The following FGF12 variants were observed in gnomAD, a reference collection of about 807,000 sequenced individuals.
FGF12 encodes fibroblast growth factor 12.
Under a neutral mutation model 23.6 loss-of-function variants are expected in FGF12, and 14 were observed. The observed-to-expected ratio is 0.59, with a 90% confidence interval of 0.39 to 0.93. The LOEUF (loss-of-function observed/expected upper bound fraction) is 0.93. Among genes scored for constraint, FGF12 ranks in the 40% least tolerant of loss-of-function variants. The pLI is 0.00. For synonymous variants in FGF12, 62 were observed against 77.3 expected (o/e 0.80, Z 1.04); for missense variants, 175 against 217.8 (o/e 0.80, Z 1.24).
chr3:192,566,192 G>A (rs1336399425), intron 2 of FGF12, among the ~76,000 whole-genome samples: 5 of 152,154 alleles, frequency 3.3e-5, no homozygotes, highest in Admixed American at 2.6e-4. Flanking sequence ...ACTTGCCTCC[G>A]GTTACCAAAT....
intron 2 of FGF12, among the ~76,000 whole-genome samples, chr3:192,695,161 A>G (rs1396494353): frequency 2.6e-5 from 4 of 152,268 alleles, no homozygotes; most frequent in Middle Eastern, 6.8e-3. Flanking sequence ...AGAAAACAAA[A>G]GCATATTTAT....
chr3:192,429,761 G>T (rs1352521370), intron 2 of FGF12, among the ~76,000 whole-genome samples: 1 of 150,758 alleles, frequency 6.6e-6, no homozygotes, highest in Non-Finnish European at 1.5e-5. Context: ...AATATTTATA[G>T]ATTTGAGAAG....
In FGF12 at chr3:192,590,710, A is replaced by G. The variant is rs147066173; in HGVS notation, c.13+136471T>C. 8.5e-4 allele frequency among the ~76,000 whole-genome samples: 129 copies of G among 152,038 alleles called. 2 individuals carry two copies. The highest frequency in any genetic ancestry group is 3.3e-3 in the Admixed American group (51 of 15,258). ...TGTTCCACTCCTCTCTGTACCACACATCTAGCAGATAATCACATGGACCTT... is the reference window on the plus strand; with the variant it reads ...TGTTCCACTCCTCTCTGTACCACACGTCTAGCAGATAATCACATGGACCTT... On this transcript the variant is annotated intron_variant, in intron 2 of 5. Coordinates refer to ENST00000445105, the MANE Select transcript of FGF12 (RefSeq NM_004113.6).
Position 192,533,630 on chromosome 3 carries a change from A to G in FGF12, c.14-173092T>C, listed in dbSNP as rs79839222. 3.0e-3 allele frequency among the ~76,000 whole-genome samples: 455 copies of G among 152,306 alleles called. 3 individuals carry two copies. Among genetic ancestry groups the G allele is most frequent in the African/African-American group, 0.011 (448 of 41,590 alleles). Reference sequence around the variant, plus strand: ...AAGCCTGCACTTGCTTTACTTGGACATAGACTTTTGAACTTTTGAGCCTCT... The same window carrying G: ...AAGCCTGCACTTGCTTTACTTGGACGTAGACTTTTGAACTTTTGAGCCTCT... On this transcript the variant is annotated intron_variant, in intron 2 of 5. Coordinates refer to ENST00000445105, the MANE Select transcript of FGF12 (RefSeq NM_004113.6).
intron 4 of FGF12, among the ~76,000 whole-genome samples, chr3:192,287,773 T>C (rs1714535717): frequency 6.6e-6 from 1 of 152,096 alleles, no homozygotes; most frequent in Non-Finnish European, 1.5e-5. Flanking sequence ...ACACGGCATC[T>C]GGATCATTTG....
intron 4 of FGF12, among the ~76,000 whole-genome samples, chr3:192,278,510 G>A (rs1245478511): frequency 1.3e-5 from 2 of 152,156 alleles, no homozygotes; most frequent in Non-Finnish European, 2.9e-5. Context: ...TTGACTGAAC[G>A]GCATTCCCAA....
intron 2 of FGF12, among the ~76,000 whole-genome samples, chr3:192,628,259 T>C (rs899287403): frequency 6.6e-6 from 1 of 152,140 alleles, no homozygotes; most frequent in African/African-American, 2.4e-5. Flanking sequence ...TGTTTTAGGA[T>C]ATTTAGGCTG....
chr3:192,271,889 T>C (rs1713460343), intron 4 of FGF12, among the ~76,000 whole-genome samples: 1 of 152,190 alleles, frequency 6.6e-6, no homozygotes, highest in Non-Finnish European at 1.5e-5. Context: ...TTTCCCAGGC[T>C]ACAGACTGAC....
At chr3:192,653,750 T>C (rs1012675204) in intron 2 of FGF12, among the ~76,000 whole-genome samples, 1 of 148,652 alleles carries the variant, frequency 6.7e-6, no homozygotes, top group African/African-American at 2.5e-5. Flanking sequence ...AATCATGCTC[T>C]ATCGCCCAGG....
intron 2 of FGF12, among the ~76,000 whole-genome samples, chr3:192,634,237 A>C (rs1350577875): frequency 6.6e-6 from 1 of 152,132 alleles, no homozygotes; most frequent in Non-Finnish European, 1.5e-5. Context: ...ACGTACGTCC[A>C]GTCAGCCCTC....
intron 2 of FGF12, among the ~76,000 whole-genome samples, chr3:192,426,367 T>G (rs904637004): frequency 2.0e-5 from 3 of 152,172 alleles, no homozygotes; most frequent in African/African-American, 7.2e-5. Context: ...AGCCTCATAG[T>G]ATTGTCAGAG....
intron 2 of FGF12, among the ~76,000 whole-genome samples, chr3:192,660,296 T>C (rs13060990): frequency 0.43 from 59,994 of 140,216 alleles, 13,307 homozygotes; most frequent in East Asian, 0.54. Flanking sequence ...CACTCATAGG[T>C]GGGAATTGAA....
intron 5 of FGF12, among the ~76,000 whole-genome samples, chr3:192,159,238 A>C (rs1273815100): frequency 2.0e-5 from 3 of 152,182 alleles, no homozygotes; most frequent in African/African-American, 7.2e-5. Context: ...CACTCATGTC[A>C]AGTCACTACT....
chr3:192,470,911 C>T (rs1201135723), intron 2 of FGF12, among the ~76,000 whole-genome samples: 1 of 152,198 alleles, frequency 6.6e-6, no homozygotes, highest in African/African-American at 2.4e-5. Context: ...TCCTCCTCCA[C>T]AGTTTCACAC....
chr3:192,263,050 A>G (rs1335852139), intron 4 of FGF12, among the ~76,000 whole-genome samples: 1 of 152,096 alleles, frequency 6.6e-6, no homozygotes, highest in Non-Finnish European at 1.5e-5. Flanking sequence ...TCATTAGCAT[A>G]AACACTCTGA....
chr3:192,175,484 T>G lies in FGF12; in HGVS notation c.229-4828A>C, dbSNP rs1715810119. Among the ~76,000 whole-genome samples the G allele has an allele frequency of 2.0e-5, 3 of 152,222 alleles. 1 individual carries two copies. In the South Asian group the frequency reaches 6.2e-4, roughly 32 times the overall value. On this transcript the variant is annotated intron_variant, in intron 4 of 5. Transcript: ENST00000445105. ...TGATAGGTCTATTTTTCACAATTAT[T>G]ACTTTAAAACCTGCCCATTCTTCAA...
chr3:192,693,981 G>A (rs1166326160), intron 2 of FGF12, among the ~76,000 whole-genome samples: 1 of 152,090 alleles, frequency 6.6e-6, no homozygotes, highest in Admixed American at 6.6e-5. Context: ...TAAAGATTGG[G>A]AGAAAATATT....
chr3:192,197,946 CAAA>C (rs11328919), intron 4 of FGF12, among the ~76,000 whole-genome samples: 5,584 of 49,378 alleles, frequency 0.11, 123 homozygotes, highest in South Asian at 0.26. Context: ...AATTCCTCCT[CAAA>C]AAAAAAAAAA....
chr3:192,402,339 C>T (rs1040160799), intron 2 of FGF12, among the ~76,000 whole-genome samples: 2 of 152,218 alleles, frequency 1.3e-5, no homozygotes, highest in African/African-American at 4.8e-5. Flanking sequence ...AGCCAGGAGC[C>T]TAAGCCCAGC....
Sources: gnomAD v4.1 joint callset for allele counts (sites outside exome capture counted in the v4.1 genomes callset) on GRCh38, gnomAD v4.1.1 for gene constraint, MANE v1.5 for transcripts, NCBI Gene and HGNC (gene_info 2026-07-23, HGNC 2026-07-21) for gene names.